The following RAD54L2 variants were observed in gnomAD, a reference collection of about 807,000 sequenced individuals.
RAD54L2 encodes the protein helicase ARIP4.
RAD54L2 carries 27 observed loss-of-function variants against 138.4 expected under a neutral mutation model. The ratio of observed to expected loss-of-function variants is 0.20; its 90% confidence interval spans 0.14 to 0.27. The LOEUF is 0.27. Ranked by LOEUF, RAD54L2 falls within the 10% of genes least tolerant of loss-of-function variation. The probability of loss-of-function intolerance (pLI) is 1.00; values close to 1 mark genes in which losing one functional copy is unlikely to be tolerated. For synonymous variants in RAD54L2, 644 were observed against 723.2 expected, an observed-to-expected ratio of 0.89 and a Z score of 1.76; for missense variants, 1,396 against 1,890.2, an observed-to-expected ratio of 0.74 and a Z score of 4.85.
At chr3:51,578,088 C>A (rs932403125) in intron 2 of RAD54L2, among the ~76,000 whole-genome samples, 1 of 151,854 alleles carries the variant, frequency 6.6e-6, no homozygotes, top group Non-Finnish European at 1.5e-5. Flanking sequence ...TCAGTTGTCC[C>A]CAAATATTAT....
In RAD54L2 at chr3:51,663,110, G is replaced by C. The variant is rs1183483683; in HGVS notation, c.4094G>C (p.Ser1365Thr). ...SSSTATSVTA[S>T]NPSFMLNPSV... Reference sequence around the variant, plus strand: ...TCCACGGCTACCTCAGTCACTGCCAGCAACCCCTCCTTCATGCTCAACCCT... The same window carrying C: ...TCCACGGCTACCTCAGTCACTGCCACCAACCCCTCCTTCATGCTCAACCCT... Residue 1365 changes from serine to threonine, a missense_variant, in exon 23 of 23, where the codon AGC (serine) becomes ACC (threonine). Around this residue, in one of 7 missense-constraint regions of RAD54L2, gnomAD observed 634 missense variants for 711.2 expected, o/e 0.89. Coordinates refer to ENST00000684192, the MANE Select transcript of RAD54L2 (RefSeq NM_015106.4). 1 of 1,613,794 alleles carries C rather than the reference G, an allele frequency of 6.2e-7. No individual in the cohort carries two copies. The highest frequency in any genetic ancestry group is 1.3e-5 in the African/African-American group (1 of 74,912).
intron 3 of RAD54L2, among the ~76,000 whole-genome samples, chr3:51,617,621 A>G (rs1419031905): frequency 6.6e-6 from 1 of 152,128 alleles, no homozygotes; most frequent in East Asian, 1.9e-4. Flanking sequence ...CATGTCTGTA[A>G]CCCCAGAGAT....
chr3:51,581,554 C>T (rs1391857827), intron 2 of RAD54L2, among the ~76,000 whole-genome samples: 1 of 152,114 alleles, frequency 6.6e-6, no homozygotes, highest in African/African-American at 2.4e-5. Context: ...AATGTTCATG[C>T]GGCTATGAAG....
At chr3:51,655,110 G>C (rs1230151344) in intron 19 of RAD54L2, among the ~76,000 whole-genome samples, 1 of 152,142 alleles carries the variant, frequency 6.6e-6, no homozygotes, top group African/African-American at 2.4e-5. Flanking sequence ...TGTGATTGAG[G>C]CATCATGCAG....
intron 3 of RAD54L2, among the ~76,000 whole-genome samples, chr3:51,600,524 A>G (rs1700057861): frequency 6.6e-6 from 1 of 152,038 alleles, no homozygotes; most frequent in South Asian, 2.1e-4. Flanking sequence ...AGGCAGGAAG[A>G]CTCATTGAGT....
rs1335592623 is a variant in RAD54L2, at chr3:51,590,448, G to A, written c.28G>A (p.Asp10Asn). 1.2e-5 allele frequency: 18 copies of A among 1,548,680 alleles called. No homozygotes were observed. In the South Asian group the frequency reaches 1.2e-4, roughly 10 times the overall value. Residue 10 changes from aspartate to asparagine, a missense_variant, in exon 3 of 23, where the codon GAT becomes AAT. Physicochemically the swap from Asp to Asn is conservative, Grantham distance 23 (BLOSUM62 1). This residue lies in a region of RAD54L2 where 256 missense variants were observed against 344.6 expected (regional missense o/e 0.74). Transcript: ENST00000684192. The stretch of plus-strand genomic sequence containing the variant: ...GTCAGACGAATCTGCCTCAGGGAGC[G>A]ATCCAGACCTGGACCCGGACGTGGA... MSDESASGSDPDLDPDVELE... is the reference protein window; with the variant it reads MSDESASGSNPDLDPDVELE...
chr3:51,556,195 C>A (rs1698959926), intron 2 of RAD54L2, among the ~76,000 whole-genome samples: 1 of 152,094 alleles, frequency 6.6e-6, no homozygotes, highest in Non-Finnish European at 1.5e-5. Context: ...GCCTAGCCTT[C>A]TTCTTTCTGT....
At position 51,663,508 on chromosome 3, in the gene RAD54L2, G is replaced by GACACT; in HGVS notation, c.*89_*93dup. ...AGTGATTTAGACCTTTTGAGAATAG[G>GACACT]ACACTTGGCAGGAGGGAAAAGGAAG... On this transcript the variant is annotated 3_prime_UTR_variant, in exon 23 of 23. Coordinates refer to ENST00000684192, the MANE Select transcript of RAD54L2 (RefSeq NM_015106.4). The GACACT allele has an allele frequency of 7.1e-7, 1 of 1,403,786 alleles. No homozygotes were observed. Among genetic ancestry groups the GACACT allele is most frequent in the Non-Finnish European group, 9.6e-7 (1 of 1,041,040 alleles). The allele number at this position is 1,403,786 out of a possible 1,614,324, so 87.0% of individuals were successfully genotyped here. A position where few individuals can be genotyped will look rare whatever the true frequency, so the allele number is the denominator to read the frequency against.
intron 19 of RAD54L2, among the ~76,000 whole-genome samples, chr3:51,653,223 G>A (rs367938542): frequency 5.9e-5 from 9 of 151,926 alleles, no homozygotes; most frequent in African/African-American, 1.7e-4. Flanking sequence ...AATCAAAACC[G>A]CAATGAGATA....
At chr3:51,549,274 G>A (rs185951401) in intron 2 of RAD54L2, among the ~76,000 whole-genome samples, 4 of 152,178 alleles carry the variant, frequency 2.6e-5, no homozygotes, top group East Asian at 1.9e-4. Flanking sequence ...GATTACAGGC[G>A]TGAACCACCA....
In RAD54L2 at chr3:51,645,556, A is replaced by C; in HGVS notation, c.2657-35A>C. The C allele has an allele frequency of 6.4e-7, 1 of 1,565,322 alleles. No homozygotes were observed. Among genetic ancestry groups the C allele is most frequent in the Non-Finnish European group, 8.7e-7 (1 of 1,153,702 alleles). ...AGTGACCTTTACAGTTTTTAATGCC[A>C]TGTGCTGACTTTCTTCATGTCTTTA... is the stretch of plus-strand genomic sequence containing the variant. On this transcript the variant is annotated intron_variant, in intron 17 of 22. Transcript: ENST00000684192. This position sits in a 1 kb window ranked among gnomAD's most constrained non-coding sequence, Gnocchi z 6.1.
Position 51,637,666 on chromosome 3 carries a change from T to G in RAD54L2, c.1682+163T>G, listed in dbSNP as rs1229436499. 6.6e-6 allele frequency among the ~76,000 whole-genome samples: 1 copy of G among 152,226 alleles called. No homozygotes were observed. Among genetic ancestry groups the G allele is most frequent in the African/African-American group, 2.4e-5 (1 of 41,458 alleles). ...GTGACAAGCTAGCAGATGGTGGATA[T>G]CCACTGTTTCAGTTCTCTGAAAGTT... On this transcript the variant is annotated intron_variant, in intron 11 of 22. Transcript: ENST00000684192. The surrounding 1 kb of genome is among the most constrained non-coding windows in gnomAD (Gnocchi z 5.9).
chr3:51,579,919 G>C (rs188089342), intron 2 of RAD54L2, among the ~76,000 whole-genome samples: 166 of 152,182 alleles, frequency 1.1e-3, no homozygotes, highest in African/African-American at 4.0e-3. Flanking sequence ...AAATCCATGT[G>C]ACACTATATT....
chr3:51,569,930 G>C (rs375542612), intron 2 of RAD54L2, among the ~76,000 whole-genome samples: 1 of 151,890 alleles, frequency 6.6e-6, no homozygotes, highest in African/African-American at 2.4e-5. Flanking sequence ...GACTCCCTGG[G>C]CTCAAAATAC....
chr3:51,641,704 C>A, intron 14 of RAD54L2, 45 bp from the exon 15 acceptor site: 1 of 1,290,100 alleles, frequency 7.8e-7, no homozygotes, highest in Non-Finnish European at 1.1e-6. Context: ...GAACAATGTT[C>A]CCTCAATTCT....
chr3:51,581,091 T>C (rs1483341575), intron 2 of RAD54L2, among the ~76,000 whole-genome samples: 1 of 152,122 alleles, frequency 6.6e-6, no homozygotes, highest in African/African-American at 2.4e-5. Flanking sequence ...CAGTGTCAGC[T>C]CAGAAAATCA....
intron 2 of RAD54L2, among the ~76,000 whole-genome samples, chr3:51,570,730 C>T (rs2106662394): frequency 6.6e-6 from 1 of 152,280 alleles, no homozygotes; most frequent in Non-Finnish European, 1.5e-5. Flanking sequence ...GCTGGGATTA[C>T]AGGCATGAGC....
chr3:51,627,607 G>A lies in RAD54L2; in HGVS notation c.194G>A (p.Gly65Glu). 6.4e-7 allele frequency: 1 copy of A among 1,560,506 alleles called. No individual in the cohort carries two copies. Among genetic ancestry groups the A allele is most frequent in the Non-Finnish European group, 8.7e-7 (1 of 1,152,906 alleles). The change falls in exon 4 of 23, where the codon GGG becomes GAG. Residue 65 changes from glycine to glutamate, a missense_variant. Gly to Glu is a moderately conservative substitution (Grantham distance 98, BLOSUM62 -2). Coordinates refer to ENST00000684192, the MANE Select transcript of RAD54L2 (RefSeq NM_015106.4). Reference sequence around the variant, plus strand: ...GAGCATGCCCAGTTGGGAGAAGATGGGCAGCAGCCGCCGCGGTGCACTTCA... The same window carrying A: ...GAGCATGCCCAGTTGGGAGAAGATGAGCAGCAGCCGCCGCGGTGCACTTCA... ...GTEHAQLGED[G>E]QQPPRCTSTT... is the part of the protein sequence containing the mutation.
intron 2 of RAD54L2, among the ~76,000 whole-genome samples, chr3:51,566,029 C>T (rs1577392100): frequency 6.6e-6 from 1 of 151,702 alleles, no homozygotes; most frequent in East Asian, 1.9e-4. Context: ...GGGGTTTCAC[C>T]ATGTTAGCCA....
Sources: gnomAD v4.1 joint callset for allele counts (sites outside exome capture counted in the v4.1 genomes callset) on GRCh38, gnomAD v4.1.1 for gene constraint, gnomAD v4.1.1 regional missense constraint, Gnocchi (gnomAD v3.1) non-coding constraint, MANE v1.5 for transcripts, NCBI Gene and HGNC (gene_info 2026-07-23, HGNC 2026-07-21) for gene names.